The following CSGALNACT1 variants were observed in gnomAD, a reference collection of about 807,000 sequenced individuals.
The protein encoded by CSGALNACT1 is chondroitin sulfate N-acetylgalactosaminyltransferase 1.
A neutral mutation model predicts 51.0 loss-of-function variants in CSGALNACT1; 52 were observed. The ratio of observed to expected loss-of-function variants is 1.02; its 90% confidence interval spans 0.82 to 1.29. The LOEUF is 1.29. Ranked by LOEUF, CSGALNACT1 falls within the 50% of genes most tolerant of loss-of-function variation. The pLI is 0.00. For synonymous variants in CSGALNACT1, 341 were observed against 254.4 expected (o/e 1.34, Z -3.24); for missense variants, 935 against 679.2 (o/e 1.38, Z -4.19).
At chr8:19,525,120 G>C (rs1025814102) in intron 3 of CSGALNACT1, among the ~76,000 whole-genome samples, 1 of 152,198 alleles carries the variant, frequency 6.6e-6, no homozygotes, top group African/African-American at 2.4e-5. Context: ...TGGAAACTTT[G>C]TGTTCTTTGT....
At chr8:19,460,946 G>A (rs781230700) in intron 4 of CSGALNACT1, among the ~76,000 whole-genome samples, 6 of 151,976 alleles carry the variant, frequency 3.9e-5, no homozygotes, top group Non-Finnish European at 5.9e-5. Context: ...AGGTAGTCTC[G>A]TGTCTCCCTG....
intron 1 of CSGALNACT1, among the ~76,000 whole-genome samples, chr8:19,730,730 C>T (rs2063647241): frequency 6.6e-6 from 1 of 152,152 alleles, no homozygotes; most frequent in Non-Finnish European, 1.5e-5. Context: ...GGCCCCTGAT[C>T]ATCCCTCTGA....
intron 3 of CSGALNACT1, among the ~76,000 whole-genome samples, chr8:19,575,406 T>G (rs2043970605): frequency 6.6e-6 from 1 of 152,224 alleles, no homozygotes; most frequent in African/African-American, 2.4e-5. Context: ...TAACTGAAGC[T>G]GAATCTAATC....
intron 6 of CSGALNACT1, among the ~76,000 whole-genome samples, chr8:19,434,738 G>C (rs531516907): frequency 6.6e-6 from 1 of 151,922 alleles, no homozygotes; most frequent in Non-Finnish European, 1.5e-5. Flanking sequence ...CCCTGTCCCT[G>C]TTTCCCAGGG....
At chr8:19,440,563 T>C (rs1279478257) in intron 5 of CSGALNACT1, among the ~76,000 whole-genome samples, 3 of 152,166 alleles carry the variant, frequency 2.0e-5, no homozygotes, top group African/African-American at 7.2e-5. Flanking sequence ...TGATGGGACG[T>C]ATTTCAAAAT....
intron 5 of CSGALNACT1, among the ~76,000 whole-genome samples, chr8:19,449,540 C>T (rs7835461): frequency 0.47 from 71,432 of 152,048 alleles, 18,119 homozygotes; most frequent in East Asian, 0.86. Flanking sequence ...CGAGACTCTA[C>T]ACTTACTGCT....
chr8:19,492,774 C>A (rs1320131802), intron 4 of CSGALNACT1, among the ~76,000 whole-genome samples: 2 of 152,228 alleles, frequency 1.3e-5, no homozygotes, highest in East Asian at 1.9e-4. Context: ...CTACTGATAT[C>A]GTATTTAAAA....
chr8:19,622,750 A>G (rs1329450939), intron 1 of CSGALNACT1, among the ~76,000 whole-genome samples: 2 of 152,226 alleles, frequency 1.3e-5, no homozygotes, highest in Non-Finnish European at 1.5e-5. Context: ...ATAAGCTAAT[A>G]AAGAGGGGGG....
At chr8:19,718,122 T>C (rs1049067084) in intron 1 of CSGALNACT1, among the ~76,000 whole-genome samples, 9 of 152,150 alleles carry the variant, frequency 5.9e-5, no homozygotes, top group Admixed American at 3.3e-4. Flanking sequence ...AGACAGAGTC[T>C]CATGCTGTCA....
intron 1 of CSGALNACT1, among the ~76,000 whole-genome samples, chr8:19,712,182 C>A (rs577436826): frequency 6.6e-6 from 1 of 152,248 alleles, no homozygotes; most frequent in South Asian, 2.1e-4. Flanking sequence ...CGCGCCGCCA[C>A]GCCCGGCTAA....
chr8:19,474,173 A>C (rs1465921739), intron 4 of CSGALNACT1, among the ~76,000 whole-genome samples: 1 of 152,162 alleles, frequency 6.6e-6, no homozygotes, highest in East Asian at 1.9e-4. Flanking sequence ...GCTATAACAA[A>C]GCCTGGATTT....
At chr8:19,442,795 T>C (rs1245973882) in intron 5 of CSGALNACT1, among the ~76,000 whole-genome samples, 1 of 151,548 alleles carries the variant, frequency 6.6e-6, no homozygotes, top group East Asian at 1.9e-4. Flanking sequence ...TCCTTGCCCA[T>C]GACTCTCTTT....
At chr8:19,538,771 G>A (rs1205267414) in intron 3 of CSGALNACT1, among the ~76,000 whole-genome samples, 2 of 151,968 alleles carry the variant, frequency 1.3e-5, no homozygotes, top group East Asian at 1.9e-4. Context: ...GCACATCTGG[G>A]TCAAGGTTAT....
At chr8:19,670,008 ATTC>A (rs1169384632) in intron 1 of CSGALNACT1, among the ~76,000 whole-genome samples, 1 of 152,098 alleles carries the variant, frequency 6.6e-6, no homozygotes, top group Non-Finnish European at 1.5e-5. Context: ...TCCACCTGGA[ATTC>A]TTCAATTATC....
chr8:19,418,574 C>T (rs1471614090), intron 8 of CSGALNACT1, 82 bp downstream of exon 7: 9 of 905,652 alleles, frequency 9.9e-6, no homozygotes, highest in African/African-American at 3.3e-5. Flanking sequence ...TTTCTACTCA[C>T]CTTTGCTCAT....
At chr8:19,421,299 G>T (rs1448884107) in intron 6 of CSGALNACT1, among the ~76,000 whole-genome samples, 4 of 152,212 alleles carry the variant, frequency 2.6e-5, no homozygotes, top group African/African-American at 4.8e-5. Flanking sequence ...AGGATTCCCA[G>T]GCCCCAGGCA....
At chr8:19,629,557 C>A (rs562603269) in intron 1 of CSGALNACT1, among the ~76,000 whole-genome samples, 1 of 152,248 alleles carries the variant, frequency 6.6e-6, no homozygotes, top group Non-Finnish European at 1.5e-5. Context: ...TCTGCCTTTA[C>A]AACTCAGATT....
chr8:19,511,086 T>C (rs1359245219), intron 3 of CSGALNACT1, among the ~76,000 whole-genome samples: 1 of 152,248 alleles, frequency 6.6e-6, no homozygotes, highest in Admixed American at 6.5e-5. Context: ...GATGACACGC[T>C]GTCAGGGTCA....
intron 1 of CSGALNACT1, among the ~76,000 whole-genome samples, chr8:19,667,367 T>C (rs77253782): frequency 0.032 from 4,901 of 151,946 alleles, 278 homozygotes; most frequent in African/African-American, 0.11. Flanking sequence ...GCCCAGGAGG[T>C]TGAGGCTGAA....
Sources: allele counts gnomAD v4.1 joint callset (sites outside exome capture counted in the v4.1 genomes callset), GRCh38; gene constraint gnomAD v4.1.1; transcripts MANE v1.5; gene names NCBI Gene and HGNC (gene_info 2026-07-23, HGNC 2026-07-21).